Variants in NADSYN1 observed in about 807,000 individuals in gnomAD.
NADSYN1 encodes NAD synthetase 1, also known as glutamine-dependent NAD(+) synthetase.
NADSYN1 carries 80 observed loss-of-function variants against 99.3 expected under a neutral mutation model. That is an observed-to-expected ratio of 0.81 (90% CI 0.67 to 0.97). NADSYN1 has a LOEUF of 0.97. Among genes scored for constraint, NADSYN1 ranks in the 50% least tolerant of loss-of-function variants. The pLI is 0.00. For synonymous variants in NADSYN1, 385 were observed against 372.1 expected (o/e 1.03, Z -0.40); for missense variants, 859 against 948.5 (o/e 0.91, Z 1.24).
intron 10 of NADSYN1, chr11:71,478,726 C>T (rs990225998): frequency 4.4e-6 from 2 of 452,938 alleles, no homozygotes; most frequent in South Asian, 4.7e-5. Flanking sequence ...GCTGACGAGA[C>T]AGTCAGCGTG....
At chr11:71,490,756 C>T in intron 16 of NADSYN1, 89 bp from the exon 17 acceptor site, 2 of 1,539,664 alleles carry the variant, frequency 1.3e-6, no homozygotes, top group Non-Finnish European at 1.8e-6. Context: ...GGCTTCAGGG[C>T]CCCTGGAAGA....
In NADSYN1 at chr11:71,474,448, G is replaced by A. The variant is rs1480125711; in HGVS notation, c.720G>A (p.Leu240=). 1.9e-6 allele frequency: 3 copies of A among 1,614,124 alleles called. No homozygotes were observed. Among genetic ancestry groups the A allele is most frequent in the African/African-American group, 1.3e-5 (1 of 74,942 alleles). ...AGAAGGGTTGTGACGGGGACCGCCT[G>A]TACTACGACGGCTGTGCCATGATTG... ...ANQKGCDGDR[L]YYDGCAMIAM... The change falls in exon 9 of 21, where the codon CTG becomes CTA. Residue 240 remains leucine, a synonymous_variant. Coordinates refer to ENST00000319023, the MANE Select transcript of NADSYN1 (RefSeq NM_018161.5).
intron 18 of NADSYN1, 78 bp downstream of exon 18, chr11:71,491,981 T>C: frequency 7.2e-7 from 1 of 1,381,902 alleles, no homozygotes; most frequent in Non-Finnish European, 1.0e-6. Context: ...TCTTCCTACC[T>C]CCCTCCTGAC....
rs1348747167 is a variant in NADSYN1, at chr11:71,490,876, T to A, written c.1594T>A (p.Ser532Thr). The A allele has an allele frequency of 6.2e-7, 1 of 1,614,054 alleles. No individual in the cohort carries two copies. Among genetic ancestry groups the A allele is most frequent in the Non-Finnish European group, 8.5e-7 (1 of 1,180,026 alleles). Reference sequence around the variant, plus strand: ...GGGCTACCTGACCAAGTACGACTGCTCCAGTGCGGACATCAACCCCATAGG... The same window carrying A: ...GGGCTACCTGACCAAGTACGACTGCACCAGTGCGGACATCAACCCCATAGG... Reference protein sequence around the residue: ...LLGYLTKYDCSSADINPIGGI... With the variant: ...LLGYLTKYDCTSADINPIGGI... Residue 532 changes from serine to threonine, a missense_variant, in exon 17 of 21, where the codon TCC becomes ACC. Physicochemically the swap from Ser to Thr is moderately conservative, Grantham distance 58. Coordinates refer to ENST00000319023, the MANE Select transcript of NADSYN1 (RefSeq NM_018161.5).
rs755792805 is a variant in NADSYN1, at chr11:71,455,091, T to C, written c.86-19T>C. On this transcript the variant is annotated intron_variant, in intron 1 of 20. Transcript: ENST00000319023. ...GGTGCTGAAATTGCTCCATTTTCTT[T>C]TTCTCTCTGTACTTACAGGTATTGA... 3.1e-6 allele frequency: 5 copies of C among 1,604,406 alleles called. No individual in the cohort carries two copies. The Admixed American group carries it at 8.4e-5, about 27-fold the overall frequency.
intron 10 of NADSYN1, chr11:71,478,829 C>T: frequency 4.3e-6 from 1 of 231,268 alleles, no homozygotes; most frequent in African/African-American, 2.2e-5. Flanking sequence ...AACAGGCACA[C>T]AGTGTGCAGC....
chr11:71,495,314 A>G lies in NADSYN1; in HGVS notation c.1765-2169A>G, dbSNP rs147931111. 7.2e-5 allele frequency among the ~76,000 whole-genome samples: 11 copies of G among 152,314 alleles called. No homozygotes were observed. The East Asian group carries it at 2.1e-3, about 29-fold the overall frequency. ...TTTAGGAGTATGCTCTTTAATTTCC[A>G]CGTATGCATGAATTTCCAAAATTTC... On this transcript the variant is annotated intron_variant, in intron 18 of 20. Coordinates refer to ENST00000319023, the MANE Select transcript of NADSYN1 (RefSeq NM_018161.5).
In NADSYN1 at chr11:71,490,788, G is replaced by C. The variant is rs1949773126; in HGVS notation, c.1563-57G>C. 5.0e-6 allele frequency: 8 copies of C among 1,598,596 alleles called. No homozygotes were observed. In the South Asian group the frequency reaches 8.9e-5, roughly 18 times the overall value. On this transcript the variant is annotated intron_variant, in intron 16 of 20. Transcript: ENST00000319023. ...AAGAAGCGACTCCCTGGCTGGCCAG[G>C]GTTGATGGAGTCTGCGGCCCCTTGG...
At chr11:71,487,490 G>GT (rs1269627104) in intron 16 of NADSYN1, among the ~76,000 whole-genome samples, 4 of 151,984 alleles carry the variant, frequency 2.6e-5, no homozygotes, top group African/African-American at 9.7e-5. Context: ...TTTTTCCAGG[G>GT]TGGGATTGGG....
chr11:71,489,725 C>T (rs1949767011), intron 16 of NADSYN1, among the ~76,000 whole-genome samples: 1 of 152,226 alleles, frequency 6.6e-6, no homozygotes. Flanking sequence ...GGGGGTCTTA[C>T]ACCCCCGACA....
intron 9 of NADSYN1, among the ~76,000 whole-genome samples, chr11:71,477,716 C>T (rs372117411): frequency 6.6e-6 from 1 of 152,258 alleles, no homozygotes; most frequent in Non-Finnish European, 1.5e-5. Flanking sequence ...ACAGGCAGCA[C>T]GTCCAGGCCA....
intron 20 of NADSYN1, among the ~76,000 whole-genome samples, chr11:71,500,556 C>T (rs537180617): frequency 5.5e-5 from 8 of 146,606 alleles, no homozygotes; most frequent in Admixed American, 3.4e-4. Context: ...CTTTGTTCCA[C>T]GTGTTGGTGG....
chr11:71,455,320 A>C, intron 2 of NADSYN1, 150 bp downstream of exon 2: 1 of 627,602 alleles, frequency 1.6e-6, no homozygotes. Flanking sequence ...GCCATTGAAC[A>C]CCTGAGCAAG....
rs561264717 is a variant in NADSYN1, at chr11:71,454,214, A to G, written c.85+833A>G. On this transcript the variant is annotated intron_variant, in intron 1 of 20. Coordinates refer to ENST00000319023, the MANE Select transcript of NADSYN1 (RefSeq NM_018161.5). ...TCAGTATGTGCCCTGGATTATTATT[A>G]TGATTATTATTATTTGACATGGACT... 2.0e-5 allele frequency among the ~76,000 whole-genome samples: 3 copies of G among 152,182 alleles called. No homozygotes were observed. The East Asian group carries it at 5.8e-4, about 29-fold the overall frequency.
At chr11:71,475,498 C>T (rs116015266) in intron 9 of NADSYN1, 3,085 of 153,496 alleles carry the variant, frequency 0.02, 91 homozygotes, top group African/African-American at 0.071. Context: ...TCACCAGCAA[C>T]TGAGCTGCCG....
chr11:71,494,165 C>T (rs1176572796), intron 18 of NADSYN1, among the ~76,000 whole-genome samples: 1 of 152,232 alleles, frequency 6.6e-6, no homozygotes, highest in Non-Finnish European at 1.5e-5. Context: ...ACCCACCCCT[C>T]ACTCCCTGAC....
chr11:71,477,371 G>A, intron 9 of NADSYN1: 2 of 1,289,718 alleles, frequency 1.6e-6, no homozygotes, highest in Non-Finnish European at 2.0e-6. Flanking sequence ...CTGTCACTTT[G>A]GGAAGCAGCC....
intron 18 of NADSYN1, among the ~76,000 whole-genome samples, chr11:71,494,909 A>T (rs1412185604): frequency 2.0e-5 from 3 of 151,834 alleles, no homozygotes; most frequent in Non-Finnish European, 2.9e-5. Context: ...TACTGATTTT[A>T]GTTGAGTCTT....
chr11:71,458,361 C>T (rs1949526604), intron 2 of NADSYN1, 67 bp from the exon 3 acceptor site: 1 of 1,251,616 alleles, frequency 8.0e-7, no homozygotes, highest in Non-Finnish European at 1.2e-6. Flanking sequence ...TGGACTGGCC[C>T]ACAGGCCCTG....
Sources: allele counts gnomAD v4.1 joint callset (sites outside exome capture counted in the v4.1 genomes callset), GRCh38; gene constraint gnomAD v4.1.1; transcripts MANE v1.5; gene names NCBI Gene and HGNC (gene_info 2026-07-23, HGNC 2026-07-21).